Variants in SLCO3A1 observed in about 807,000 individuals in gnomAD.
SLCO3A1 encodes the protein solute carrier organic anion transporter family member 3A1.
A neutral mutation model predicts 63.1 loss-of-function variants in SLCO3A1; 27 were observed. The observed-to-expected ratio is 0.43, with a 90% CI of 0.32 to 0.59. The LOEUF is 0.59. Ranked by LOEUF, SLCO3A1 falls within the 20% of genes least tolerant of loss-of-function variation. The pLI is 0.09. For missense variants in SLCO3A1, 773 were observed against 945.8 expected (o/e 0.82, Z 2.40); for synonymous variants, 473 against 409.9 (o/e 1.15, Z -1.86).
chr15:92,062,163 G>T (rs886110223), intron 2 of SLCO3A1, among the ~76,000 whole-genome samples: 1 of 152,218 alleles, frequency 6.6e-6, no homozygotes, highest in African/African-American at 2.4e-5. Flanking sequence ...TCAAAATCCT[G>T]TACTAGGACA....
At chr15:91,974,890 C>T (rs910918044) in intron 2 of SLCO3A1, among the ~76,000 whole-genome samples, 1 of 152,172 alleles carries the variant, frequency 6.6e-6, no homozygotes, top group African/African-American at 2.4e-5. Flanking sequence ...CTTGCTGGCA[C>T]TAGATACCCT....
intron 2 of SLCO3A1, among the ~76,000 whole-genome samples, chr15:92,008,034 A>T (rs1055529812): frequency 6.6e-6 from 1 of 152,222 alleles, no homozygotes; most frequent in African/African-American, 2.4e-5. Flanking sequence ...CCTTTTCTAA[A>T]GAAGTCGGCT....
chr15:91,977,149 T>G (rs1442568645), intron 2 of SLCO3A1, among the ~76,000 whole-genome samples: 1 of 152,184 alleles, frequency 6.6e-6, no homozygotes, highest in Non-Finnish European at 1.5e-5. Flanking sequence ...AATGATTGGA[T>G]GGATGGATAC....
chr15:91,943,690 A>G (rs1023460973), intron 2 of SLCO3A1, among the ~76,000 whole-genome samples: 3 of 152,282 alleles, frequency 2.0e-5, no homozygotes. Flanking sequence ...CATAATTTTC[A>G]TGTCTCATTG....
chr15:91,888,857 C>T (rs1897794102), intron 1 of SLCO3A1, among the ~76,000 whole-genome samples: 1 of 151,720 alleles, frequency 6.6e-6, no homozygotes, highest in African/African-American at 2.4e-5. Context: ...AAAACAACAC[C>T]AATTAGCTGG....
chr15:91,944,150 T>C (rs1456340586), intron 2 of SLCO3A1, among the ~76,000 whole-genome samples: 1 of 152,184 alleles, frequency 6.6e-6, no homozygotes, highest in Non-Finnish European at 1.5e-5. Context: ...CTGATGTATG[T>C]TGATCTATTA....
At chr15:91,915,148 C>T (rs370855316) in intron 1 of SLCO3A1, among the ~76,000 whole-genome samples, 5 of 152,176 alleles carry the variant, frequency 3.3e-5, no homozygotes, top group African/African-American at 1.2e-4. Flanking sequence ...CATCTCACCT[C>T]CAGTCCCTTT....
chr15:92,052,119 CCTT>C (rs1311088263), intron 2 of SLCO3A1, among the ~76,000 whole-genome samples: 2 of 152,144 alleles, frequency 1.3e-5, no homozygotes, highest in African/African-American at 2.4e-5. Flanking sequence ...CCCAACCCCT[CCTT>C]GCCCCAAGCT....
At chr15:92,106,844 A>G (rs1025940422) in intron 4 of SLCO3A1, among the ~76,000 whole-genome samples, 2 of 152,206 alleles carry the variant, frequency 1.3e-5, no homozygotes, top group Non-Finnish European at 2.9e-5. Flanking sequence ...GGGTGAGGAA[A>G]GGGTCAGCGG....
chr15:91,931,758 A>G (rs1044659919), intron 2 of SLCO3A1, among the ~76,000 whole-genome samples: 1 of 149,162 alleles, frequency 6.7e-6, no homozygotes, highest in Non-Finnish European at 1.5e-5. Context: ...GGAGTGAGCC[A>G]CCGCGCCCGG....
intron 3 of SLCO3A1, among the ~76,000 whole-genome samples, chr15:92,103,874 G>A (rs1338171434): frequency 2.4e-4 from 37 of 152,112 alleles, no homozygotes; most frequent in Non-Finnish European, 2.1e-4. Context: ...GTGGGATCTC[G>A]TGTGAGCTGC....
chr15:92,028,313 C>T (rs1337762069), intron 2 of SLCO3A1, among the ~76,000 whole-genome samples: 2 of 152,166 alleles, frequency 1.3e-5, no homozygotes, highest in Non-Finnish European at 2.9e-5. Flanking sequence ...TTAGCATCCT[C>T]GGGAAGCCAC....
In SLCO3A1 at chr15:92,139,127, C is replaced by G. The variant is rs199815428; in HGVS notation, c.1513-7857C>G. On this transcript the variant is annotated intron_variant, in intron 7 of 9. Coordinates refer to ENST00000318445, the MANE Select transcript of SLCO3A1 (RefSeq NM_013272.4). ...GGCTGTGGGTTTGTCATAGATAGCT[C>G]TTATTATTTTGAAATATGTCCCATC... is the stretch of plus-strand genomic sequence containing the variant. Among the ~76,000 whole-genome samples, 3,480 of 150,628 alleles carry G rather than the reference C, an allele frequency of 0.023. 396 individuals are homozygous for G. In the East Asian group the frequency reaches 0.35, roughly 15 times the overall value.
At chr15:92,107,992 G>T (rs373085865) in intron 4 of SLCO3A1, among the ~76,000 whole-genome samples, 14 of 152,186 alleles carry the variant, frequency 9.2e-5, no homozygotes, top group Non-Finnish European at 1.6e-4. Flanking sequence ...AACCAAGCTG[G>T]TGATATGGGG....
chr15:92,008,816 C>G (rs2046339528), intron 2 of SLCO3A1, among the ~76,000 whole-genome samples: 1 of 152,118 alleles, frequency 6.6e-6, no homozygotes, highest in African/African-American at 2.4e-5. Context: ...AAAACTGAAA[C>G]TAAAAGCAAA....
At chr15:91,964,094 A>G (rs966000390) in intron 2 of SLCO3A1, among the ~76,000 whole-genome samples, 1 of 152,168 alleles carries the variant, frequency 6.6e-6, no homozygotes, top group Non-Finnish European at 1.5e-5. Flanking sequence ...CACCTGACCC[A>G]GAAGCTCAGC....
intron 8 of SLCO3A1, among the ~76,000 whole-genome samples, chr15:92,148,157 G>A (rs1392772259): frequency 6.6e-6 from 1 of 152,222 alleles, no homozygotes; most frequent in Non-Finnish European, 1.5e-5. Context: ...GCAGTGAGCT[G>A]AGGTCATACC....
At chr15:91,880,070 G>T (rs1370882866) in intron 1 of SLCO3A1, among the ~76,000 whole-genome samples, 1 of 151,752 alleles carries the variant, frequency 6.6e-6, no homozygotes, top group African/African-American at 2.4e-5. Flanking sequence ...CAGATAGATA[G>T]ATATGCTCCT....
At chr15:91,996,696 A>G (rs2046196426) in intron 2 of SLCO3A1, among the ~76,000 whole-genome samples, 1 of 152,190 alleles carries the variant, frequency 6.6e-6, no homozygotes, top group East Asian at 1.9e-4. Context: ...CAACCCATAC[A>G]TATACAGACA....
Sources: allele counts gnomAD v4.1 joint callset (sites outside exome capture counted in the v4.1 genomes callset), GRCh38; gene constraint gnomAD v4.1.1; transcripts MANE v1.5; gene names NCBI Gene and HGNC (gene_info 2026-07-23, HGNC 2026-07-21).